The following LRP8 variants were observed in gnomAD, a reference collection of about 807,000 sequenced individuals.
LRP8 encodes the protein low-density lipoprotein receptor-related protein 8.
A neutral mutation model predicts 111.6 loss-of-function variants in LRP8; 46 were observed. The observed-to-expected ratio is 0.41, with a 90% CI of 0.33 to 0.53. LRP8 has a LOEUF of 0.53. Ranked by LOEUF, LRP8 falls within the 20% of genes least tolerant of loss-of-function variation. LRP8 has a pLI of 0.20. For synonymous variants in LRP8, 464 were observed against 511.2 expected (o/e 0.91, Z 1.24); for missense variants, 959 against 1,297.4 (o/e 0.74, Z 4.01).
At chr1:53,289,077 C>A (rs900199483) in intron 3 of LRP8, among the ~76,000 whole-genome samples, 5 of 152,226 alleles carry the variant, frequency 3.3e-5, no homozygotes, top group African/African-American at 1.2e-4. Flanking sequence ...TAGCCTTGGG[C>A]AAGTCACTCA....
rs370693824 is a variant in LRP8 at position 53,249,537 on chromosome 1, C to T, written c.2696G>A (p.Arg899His). Residue 899 changes from arginine (R) to histidine (H), a missense_variant, in exon 18 of 19, where the codon CGC becomes CAC. By Grantham distance (29) the Arg-to-His change is conservative. Transcript: ENST00000306052. This position sits in a 1 kb window ranked among gnomAD's most constrained non-coding sequence, Gnocchi z 4.1. ...AAGACAGGGCTCTGCCCACAGTGGG[C>T]GATCAAAGCTGCTGATTGCCTGACA... ...VYPAAISSFD[R>H]PLWAEPCLGE... 6.5e-5 allele frequency: 104 copies of T among 1,606,918 alleles called. No individual in the cohort carries two copies. Among genetic ancestry groups the T allele is most frequent in the Middle Eastern group, 1.7e-4 (1 of 6,058 alleles).
At chr1:53,260,127 G>A (rs1007913730) in intron 13 of LRP8, among the ~76,000 whole-genome samples, 1 of 152,160 alleles carries the variant, frequency 6.6e-6, no homozygotes, top group African/African-American at 2.4e-5. Flanking sequence ...AGATAGACCT[G>A]GGTTTAGGTT....
chr1:53,327,915 C>A lies in LRP8; in HGVS notation c.-3G>T. Reference sequence around the variant, plus strand: ...GGGCCCGGCTCGGGGAGGCCCATGGCGGGCCCGGGGCTCCGGCCGCCGCGC... The same window carrying A: ...GGGCCCGGCTCGGGGAGGCCCATGGAGGGCCCGGGGCTCCGGCCGCCGCGC... On this transcript the variant is annotated 5_prime_UTR_variant, in exon 1 of 19. Transcript: ENST00000306052. 2 of 1,291,252 alleles carry A rather than the reference C, an allele frequency of 1.5e-6. No homozygotes were observed. Among genetic ancestry groups the A allele is most frequent in the Admixed American group, 3.5e-5 (1 of 28,332 alleles). The allele number at this position is 1,291,252 out of a possible 1,614,324, so 80.0% of individuals were successfully genotyped here. A position where few individuals can be genotyped will look rare whatever the true frequency, so the allele number is the denominator to read the frequency against.
At chr1:53,326,437 A>C (rs531546016) in intron 2 of LRP8, among the ~76,000 whole-genome samples, 5 of 152,314 alleles carry the variant, frequency 3.3e-5, no homozygotes, top group Admixed American at 6.5e-5. Flanking sequence ...CATTCACAAA[A>C]ACTGAGCAGG....
intron 2 of LRP8, among the ~76,000 whole-genome samples, chr1:53,291,381 T>A (rs1312508805): frequency 6.6e-6 from 1 of 152,086 alleles, no homozygotes; most frequent in Non-Finnish European, 1.5e-5. Context: ...CCCAGGGGCT[T>A]AGAAGTCCCG....
intron 2 of LRP8, among the ~76,000 whole-genome samples, chr1:53,310,256 C>T (rs894730597): frequency 2.0e-5 from 3 of 152,100 alleles, no homozygotes; most frequent in African/African-American, 7.2e-5. Flanking sequence ...TTGGGCCCCT[C>T]CTCAGCCTTG....
intron 4 of LRP8, among the ~76,000 whole-genome samples, chr1:53,280,179 G>A (rs1647058415): frequency 1.3e-5 from 2 of 152,100 alleles, no homozygotes; most frequent in African/African-American, 2.4e-5. Flanking sequence ...ATTTCTCCAC[G>A]CAGCACCCTC....
chr1:53,311,329 G>A (rs1331862121), intron 2 of LRP8, among the ~76,000 whole-genome samples: 1 of 152,142 alleles, frequency 6.6e-6, no homozygotes, highest in Non-Finnish European at 1.5e-5. Flanking sequence ...CCAGTCCCAG[G>A]CAGGTGGCGG....
intron 2 of LRP8, among the ~76,000 whole-genome samples, chr1:53,314,782 G>A: frequency 6.6e-6 from 1 of 152,226 alleles, no homozygotes; most frequent in Admixed American, 6.5e-5. Context: ...TTGGCCTAAT[G>A]AAGATGCTGC....
chr1:53,322,048 G>A (rs768877600), intron 2 of LRP8, among the ~76,000 whole-genome samples: 29 of 152,056 alleles, frequency 1.9e-4, no homozygotes, highest in Non-Finnish European at 4.0e-4. Flanking sequence ...GGGAAGCAAG[G>A]GGTCCGGGTT....
Position 53,301,555 on chromosome 1 carries a change from C to G in LRP8, c.245-11866G>C, listed in dbSNP as rs982379848. On this transcript the variant is annotated intron_variant, in intron 2 of 18. Coordinates refer to ENST00000306052, the MANE Select transcript of LRP8 (RefSeq NM_004631.5). ...TGGACAACATGGTGAAACCCCATCTCTACAACAACAAAAATACCAAAAAAA... is the reference window on the plus strand; with the variant it reads ...TGGACAACATGGTGAAACCCCATCTGTACAACAACAAAAATACCAAAAAAA... 2.0e-5 allele frequency among the ~76,000 whole-genome samples: 3 copies of G among 152,114 alleles called. No homozygotes were observed. The East Asian group carries it at 5.8e-4, about 29-fold the overall frequency.
intron 2 of LRP8, among the ~76,000 whole-genome samples, chr1:53,298,349 G>A (rs1158053793): frequency 2.0e-5 from 3 of 152,214 alleles, no homozygotes; most frequent in Non-Finnish European, 4.4e-5. Context: ...CAGCTGAGGG[G>A]CTGGGAGGAG....
Position 53,262,351 on chromosome 1 carries a change from A to G in LRP8, c.1774+95T>C. The stretch of plus-strand genomic sequence containing the variant: ...ATTAGGAAACAAAGTCACTGGCACC[A>G]TGAGAGGACCCAGAAACAAGACTCA... On this transcript the variant is annotated intron_variant, in intron 11 of 18. Transcript: ENST00000306052. This position sits in a 1 kb window ranked among gnomAD's most constrained non-coding sequence, Gnocchi z 4.8. 1 of 1,516,540 alleles carries G rather than the reference A, an allele frequency of 6.6e-7. No individual in the cohort carries two copies. Among genetic ancestry groups the G allele is most frequent in the Non-Finnish European group, 9.1e-7 (1 of 1,098,562 alleles). The allele number at this position is 1,516,540 out of a possible 1,614,324, so 93.9% of individuals were successfully genotyped here. A position where few individuals can be genotyped will look rare whatever the true frequency, so the allele number is the denominator to read the frequency against.
chr1:53,247,335 T>A (rs749646516), intron 18 of LRP8, among the ~76,000 whole-genome samples: 1 of 152,184 alleles, frequency 6.6e-6, no homozygotes, highest in Non-Finnish European at 1.5e-5. Flanking sequence ...CATCATTCTG[T>A]TTTGTATCTT....
intron 13 of LRP8, among the ~76,000 whole-genome samples, chr1:53,258,908 C>G (rs1646217631): frequency 1.3e-5 from 2 of 152,248 alleles, no homozygotes; most frequent in South Asian, 2.1e-4. Context: ...TTTTGGTTTT[C>G]CACTACTATC....
intron 15 of LRP8, among the ~76,000 whole-genome samples, chr1:53,255,565 C>A (rs1243686148): frequency 6.6e-6 from 1 of 152,168 alleles, no homozygotes; most frequent in Non-Finnish European, 1.5e-5. Context: ...TGGACTAGGT[C>A]ATTTGCCTTT....
At chr1:53,261,852 G>A (rs1474875314) in intron 12 of LRP8, among the ~76,000 whole-genome samples, 1 of 152,218 alleles carries the variant, frequency 6.6e-6, no homozygotes, top group Non-Finnish European at 1.5e-5. Flanking sequence ...TCTGGGAGAG[G>A]GGTCTTGGGA....
chr1:53,254,746 T>C (rs1646017712), intron 16 of LRP8, among the ~76,000 whole-genome samples: 1 of 152,228 alleles, frequency 6.6e-6, no homozygotes, highest in Non-Finnish European at 1.5e-5. Flanking sequence ...CTCTATTCAT[T>C]AATTCAACAA....
chr1:53,280,413 AAAG>A (rs1429651960), intron 4 of LRP8, among the ~76,000 whole-genome samples, 171 bp downstream of exon 4: 3 of 152,190 alleles, frequency 2.0e-5, no homozygotes, highest in Non-Finnish European at 2.9e-5. Flanking sequence ...TGTGAAGATG[AAAG>A]AAGACCATGT....
Sources: allele counts gnomAD v4.1 joint callset (sites outside exome capture counted in the v4.1 genomes callset), GRCh38; gene constraint gnomAD v4.1.1; non-coding constraint Gnocchi (gnomAD v3.1); transcripts MANE v1.5; gene names NCBI Gene and HGNC (gene_info 2026-07-23, HGNC 2026-07-21).